The following LZTS2 variants were observed in gnomAD, a reference collection of about 807,000 sequenced individuals.
The protein encoded by LZTS2 is leucine zipper putative tumor suppressor 2.
In LZTS2, 32 loss-of-function variants were observed where a neutral mutation model predicts 60.6. That is an observed-to-expected ratio of 0.53 (90% CI 0.40 to 0.71). LZTS2 has a LOEUF of 0.71. LZTS2 is among the 30% of genes least tolerant of loss of function. LZTS2 has a pLI of 0.00. For synonymous variants in LZTS2, 360 were observed against 393.1 expected, an observed-to-expected ratio of 0.92 and a Z score of 1.00; for missense variants, 792 against 901.9, an observed-to-expected ratio of 0.88 and a Z score of 1.56.
At chr10:101,003,567 G>A (rs757121472) in exon 2 of LZTS2, 1 of 1,555,036 alleles carries the variant, frequency 6.4e-7, no homozygotes, top group South Asian at 1.2e-5. Flanking sequence ...CAAACCTCGA[G>A]GGGCTCCGTC....
At chr10:100,999,896 C>T (rs1047309953) in exon 1 of LZTS2, 3 of 151,194 alleles carry the variant, frequency 2.0e-5, no homozygotes, top group Admixed American at 1.3e-4. Context: ...GGCCGGGCGG[C>T]GCGCCTGTGG....
At chr10:101,001,466 A>G (rs1426002388) in exon 1 of LZTS2, 1 of 152,244 alleles carries the variant, frequency 6.6e-6, no homozygotes, top group Admixed American at 6.5e-5. Flanking sequence ...AACTAAATGC[A>G]CACACTCCTA....
Position 101,003,620 on chromosome 10 carries a change from G to C in LZTS2, c.522G>C (p.Gly174=), listed in dbSNP as rs145248555. The change falls in exon 2 of 4, where the codon GGG becomes GGC. Residue 174 remains glycine (G), a synonymous_variant. Transcript: ENST00000370220. Reference sequence around the variant, plus strand: ...GTCCTCGGGCCACCGGGCTGTCTGGGAGCCAGGGCAGCCTGACGCAGCTGT... The same window carrying C: ...GTCCTCGGGCCACCGGGCTGTCTGGCAGCCAGGGCAGCCTGACGCAGCTGT... 1.9e-6 allele frequency: 3 copies of C among 1,602,832 alleles called. No individual in the cohort carries two copies. In the African/African-American group the frequency reaches 4.0e-5, roughly 21 times the overall value.
chr10:101,003,770 A>G (rs769247144), exon 2 of LZTS2: 1 of 1,612,864 alleles, frequency 6.2e-7, no homozygotes, highest in African/African-American at 1.3e-5. Context: ...GCCGAAACTC[A>G]CTGTCCAGCC....
rs540907223 is a variant in LZTS2, at chr10:101,004,468, T to G, written c.1068+302T>G. On this transcript the variant is annotated intron_variant, in intron 2 of 3. Coordinates refer to ENST00000370220, the Ensembl canonical transcript of LZTS2. Reference sequence around the variant, plus strand: ...CTAAAAATAAATTAGCTAAGTGTGGTGGCATGTACCTGTAGTCCCAGCTAC... The same window carrying G: ...CTAAAAATAAATTAGCTAAGTGTGGGGGCATGTACCTGTAGTCCCAGCTAC... Among the ~76,000 whole-genome samples, 74 of 152,288 alleles carry G rather than the reference T, an allele frequency of 4.9e-4. 1 individual carries two copies. The highest frequency in any genetic ancestry group is 1.7e-3 in the African/African-American group (71 of 41,548).
At chr10:101,007,288 C>G (rs1337286068) in exon 4 of LZTS2, 1 of 1,424,500 alleles carries the variant, frequency 7.0e-7, no homozygotes, top group Non-Finnish European at 9.1e-7. Flanking sequence ...CACTTGTCTC[C>G]TAGGATCCAG....
At chr10:101,005,737 A>G in intron 3 of LZTS2, 22 bp downstream of exon 4, 1 of 1,532,344 alleles carries the variant, frequency 6.5e-7, no homozygotes, top group Non-Finnish European at 8.8e-7. Flanking sequence ...CAGGAGGGGC[A>G]GGGAGCAGGG....
At chr10:101,002,187 T>A (rs1156830895) in exon 1 of LZTS2, 1 of 205,302 alleles carries the variant, frequency 4.9e-6, no homozygotes, top group African/African-American at 2.3e-5. Context: ...AGTCCTGGCC[T>A]CTGTGGAGGA....
At position 101,002,886 on chromosome 10, in the gene LZTS2, C is replaced by T. The variant is rs1422879708; in HGVS notation, c.348C>T (p.His116=). 3 of 1,613,638 alleles carry T rather than the reference C, an allele frequency of 1.9e-6. No individual in the cohort carries two copies. In the African/African-American group the frequency reaches 4.0e-5, roughly 22 times the overall value. Residue 116 remains histidine, a synonymous_variant, in exon 1 of 4, where the codon CAC becomes CAT. Transcript: ENST00000370220. ...AGGATGCCCGAGAGCAGCGGGCACA[C>T]AATGCCCACCTCCGCGGCCCACCAC...
At chr10:101,002,353 T>G in exon 1 of LZTS2, 4 of 509,296 alleles carry the variant, frequency 7.9e-6, no homozygotes, top group Non-Finnish European at 9.9e-6. Flanking sequence ...CCAGGGGGAA[T>G]TGAGATTCAT....
rs1367335511 is a variant in LZTS2, at chr10:101,003,402, G to GA, written c.409-103dup. The GA allele has an allele frequency of 3.2e-6, 4 of 1,240,986 alleles. No homozygotes were observed. In the East Asian group the frequency reaches 9.7e-5, roughly 30 times the overall value. The allele number at this position is 1,240,986 out of a possible 1,614,324, so 76.9% of individuals were successfully genotyped here. ...CTCCACCAGTGGCCGCAATTGTTAT[G>GA]AATATATGGGCACTGGGGACCCAAG... On this transcript the variant is annotated intron_variant, in intron 1 of 3. Coordinates refer to ENST00000370220, the Ensembl canonical transcript of LZTS2.
chr10:101,002,555 C>A, exon 1 of LZTS2: 2 of 1,528,684 alleles, frequency 1.3e-6, no homozygotes, highest in Non-Finnish European at 1.8e-6. Context: ...ATTGTGCAGA[C>A]TCTGCCAGTG....
chr10:101,007,567 C>T, exon 4 of LZTS2: 1 of 1,303,880 alleles, frequency 7.7e-7, no homozygotes, highest in Non-Finnish European at 1.0e-6. Context: ...ACCAGCTGCT[C>T]CGGATGTGCC....
exon 4 of LZTS2, chr10:101,006,508 C>A: frequency 6.2e-7 from 1 of 1,610,658 alleles, no homozygotes; most frequent in Non-Finnish European, 8.5e-7. Flanking sequence ...CAGGCGAGAT[C>A]TCCCTGCTGA....
chr10:101,005,078 C>T (rs950704401), intron 2 of LZTS2, among the ~76,000 whole-genome samples: 4 of 152,096 alleles, frequency 2.6e-5, no homozygotes, highest in African/African-American at 9.7e-5. Flanking sequence ...ATTTCAGCTC[C>T]CTGTAGCCTC....
chr10:101,002,652 T>TC lies in LZTS2; in HGVS notation c.117dup (p.Gly40ArgfsTer29). The TC allele has an allele frequency of 6.2e-7, 1 of 1,607,482 alleles. No homozygotes were observed. Among genetic ancestry groups the TC allele is most frequent in the Non-Finnish European group, 8.5e-7 (1 of 1,176,576 alleles). On this transcript the variant is annotated frameshift_variant, in exon 1 of 4. Coordinates refer to ENST00000370220, the Ensembl canonical transcript of LZTS2. LOFTEE classifies it high-confidence loss of function. Reference sequence around the variant, plus strand: ...GCAGCCTTATCTCAGGCCGGCCCTGTCCCGGGGGGCCAGCTCCTCCCCGCC... The same window carrying TC: ...GCAGCCTTATCTCAGGCCGGCCCTGTCCCCGGGGGGCCAGCTCCTCCCCGCC...
chr10:101,004,624 G>A (rs1852129850), intron 2 of LZTS2, among the ~76,000 whole-genome samples: 1 of 152,094 alleles, frequency 6.6e-6, no homozygotes, highest in Non-Finnish European at 1.5e-5. Flanking sequence ...CAAAACTTGT[G>A]GGGTGGAAAG....
chr10:101,005,093 C>G (rs1404214240), intron 2 of LZTS2, among the ~76,000 whole-genome samples: 1 of 152,114 alleles, frequency 6.6e-6, no homozygotes, highest in Non-Finnish European at 1.5e-5. Context: ...AGCCTCAACC[C>G]CCTGGGCTCA....
exon 1 of LZTS2, chr10:101,002,807 A>C (rs372229881): frequency 1.9e-6 from 3 of 1,613,872 alleles, no homozygotes; most frequent in Non-Finnish European, 2.5e-6. Context: ...AGCTTCACCT[A>C]CATCAATGAG....
Sources: allele counts gnomAD v4.1 joint callset (sites outside exome capture counted in the v4.1 genomes callset), GRCh38; gene constraint gnomAD v4.1.1; transcripts MANE v1.5; gene names NCBI Gene and HGNC (gene_info 2026-07-23, HGNC 2026-07-21).